Variants in LRRC4C observed in about 807,000 individuals in gnomAD.
LRRC4C encodes the protein leucine-rich repeat-containing protein 4C.
LRRC4C carries 5 observed loss-of-function variants against 33.6 expected under a neutral mutation model. That is an observed-to-expected ratio of 0.15 (90% CI 0.08 to 0.31). The LOEUF (loss-of-function observed/expected upper bound fraction) is 0.31. Ranked by LOEUF, LRRC4C falls within the 10% of genes least tolerant of loss-of-function variation. The pLI, the probability that LRRC4C is intolerant of heterozygous loss-of-function variation, is 1.00. For missense variants in LRRC4C, 560 were observed against 796.7 expected (o/e 0.70, Z 3.58); for synonymous variants, 329 against 302.0 (o/e 1.09, Z -0.93).
At chr11:40,620,885 A>C in intron 3 of LRRC4C, among the ~76,000 whole-genome samples, 1 of 151,756 alleles carries the variant, frequency 6.6e-6, no homozygotes, top group East Asian at 1.9e-4. Flanking sequence ...ATGGAGCAAT[A>C]ATATTTATCC....
chr11:41,339,216 A>G (rs1022722676), intron 1 of LRRC4C, among the ~76,000 whole-genome samples: 5 of 152,236 alleles, frequency 3.3e-5, no homozygotes, highest in Admixed American at 6.5e-5. Flanking sequence ...GGCACAATGA[A>G]GATGATAACT....
At chr11:41,171,520 A>T (rs986578572) in intron 1 of LRRC4C, among the ~76,000 whole-genome samples, 2 of 147,328 alleles carry the variant, frequency 1.4e-5, no homozygotes, top group Non-Finnish European at 3.0e-5. Context: ...CAAACACTGC[A>T]TGTTCTCACT....
At chr11:41,434,145 C>G (rs1955341586) in intron 1 of LRRC4C, among the ~76,000 whole-genome samples, 1 of 152,134 alleles carries the variant, frequency 6.6e-6, no homozygotes, top group East Asian at 1.9e-4. Flanking sequence ...TGAGATCTTC[C>G]TAGAAATGCA....
At chr11:40,681,103 G>A (rs947553265) in intron 2 of LRRC4C, among the ~76,000 whole-genome samples, 25 of 152,102 alleles carry the variant, frequency 1.6e-4, no homozygotes, top group Admixed American at 9.8e-4. Flanking sequence ...GCAGTGGGTG[G>A]AAATCTCAAG....
intron 3 of LRRC4C, among the ~76,000 whole-genome samples, chr11:40,448,865 G>A (rs2083421): frequency 0.36 from 54,704 of 151,984 alleles, 10,366 homozygotes; most frequent in East Asian, 0.52. Context: ...ACTCACATCA[G>A]CAGTGTAAAA....
intron 2 of LRRC4C, among the ~76,000 whole-genome samples, chr11:40,848,002 C>T (rs1953276690): frequency 6.6e-6 from 1 of 151,704 alleles, no homozygotes; most frequent in East Asian, 1.9e-4. Flanking sequence ...GTGGTGATAT[C>T]CCTTTTATCA....
chr11:41,236,659 T>C (rs902531899), intron 1 of LRRC4C, among the ~76,000 whole-genome samples: 2 of 152,080 alleles, frequency 1.3e-5, no homozygotes, highest in Non-Finnish European at 1.5e-5. Flanking sequence ...TTTTTGATGA[T>C]ATAAATTGAT....
At chr11:40,983,970 T>G (rs966670449) in intron 1 of LRRC4C, among the ~76,000 whole-genome samples, 34 of 152,126 alleles carry the variant, frequency 2.2e-4, no homozygotes, top group Admixed American at 2.2e-3. Context: ...TCATGGAAAT[T>G]CAACTTTAAA....
At chr11:40,780,080 A>G (rs371870695) in intron 2 of LRRC4C, among the ~76,000 whole-genome samples, 36 of 152,318 alleles carry the variant, frequency 2.4e-4, no homozygotes, top group African/African-American at 8.2e-4. Context: ...TCCTAAGCCT[A>G]CAATCTAGTT....
intron 4 of LRRC4C, among the ~76,000 whole-genome samples, chr11:40,273,499 T>G (rs1942864644): frequency 6.6e-6 from 1 of 152,132 alleles, no homozygotes; most frequent in East Asian, 1.9e-4. Flanking sequence ...TCATCCAACA[T>G]TTTTCTCTTA....
chr11:41,295,302 A>G (rs1950106156), intron 1 of LRRC4C, among the ~76,000 whole-genome samples: 3 of 152,238 alleles, frequency 2.0e-5, no homozygotes, highest in Non-Finnish European at 4.4e-5. Flanking sequence ...ATATTTTAGT[A>G]TCTAATGTAG....
intron 2 of LRRC4C, among the ~76,000 whole-genome samples, chr11:40,800,956 A>G (rs893425471): frequency 2.0e-5 from 3 of 152,078 alleles, no homozygotes; most frequent in Admixed American, 6.6e-5. Flanking sequence ...AATACATCAT[A>G]AACTTCTTCA....
chr11:40,257,390 T>C (rs1346509323), intron 4 of LRRC4C, among the ~76,000 whole-genome samples: 5 of 152,202 alleles, frequency 3.3e-5, no homozygotes, highest in Non-Finnish European at 7.3e-5. Context: ...GTATTTACTA[T>C]AAGTCAAGTT....
rs1400725637 is a variant in LRRC4C, at chr11:41,191,411, C to T, written c.-495-257688G>A. On this transcript the variant is annotated intron_variant, in intron 1 of 6. Transcript: ENST00000528697. ...TGCCTGATTAAAGTCACTCTTTTCC[C>T]TTCAACTACCAATTTAACTAAACTC... Among the ~76,000 whole-genome samples, 3 of 152,156 alleles carry T rather than the reference C, an allele frequency of 2.0e-5. 1 individual carries two copies. Among genetic ancestry groups the T allele is most frequent in the South Asian group, 4.1e-4 (2 of 4,824 alleles).
At chr11:40,277,960 C>G (rs1943231100) in intron 4 of LRRC4C, among the ~76,000 whole-genome samples, 1 of 152,162 alleles carries the variant, frequency 6.6e-6, no homozygotes, top group African/African-American at 2.4e-5. Flanking sequence ...AAGTGGCAGT[C>G]TCCTTCATTG....
intron 1 of LRRC4C, among the ~76,000 whole-genome samples, chr11:41,229,546 T>C (rs921230741): frequency 6.6e-6 from 1 of 152,124 alleles, no homozygotes; most frequent in African/African-American, 2.4e-5. Flanking sequence ...TTTATTAATT[T>C]CTCAACTTGC....
At chr11:41,342,902 G>A (rs977704274) in intron 1 of LRRC4C, among the ~76,000 whole-genome samples, 2 of 152,124 alleles carry the variant, frequency 1.3e-5, no homozygotes, top group Non-Finnish European at 2.9e-5. Flanking sequence ...TCAAAGTGCT[G>A]GGAGGATTAC....
intron 3 of LRRC4C, among the ~76,000 whole-genome samples, chr11:40,380,657 G>A (rs1333037346): frequency 6.6e-6 from 1 of 152,112 alleles, no homozygotes; most frequent in East Asian, 1.9e-4. Flanking sequence ...TAAAGTATCC[G>A]CTACCCTTCC....
At chr11:40,826,142 T>A (rs921928468) in intron 2 of LRRC4C, among the ~76,000 whole-genome samples, 1 of 151,928 alleles carries the variant, frequency 6.6e-6, no homozygotes, top group Non-Finnish European at 1.5e-5. Context: ...AGCAAATCAT[T>A]CCTTTCTATT....
Sources: allele counts gnomAD v4.1 joint callset (sites outside exome capture counted in the v4.1 genomes callset), GRCh38; gene constraint gnomAD v4.1.1; transcripts MANE v1.5; gene names NCBI Gene and HGNC (gene_info 2026-07-23, HGNC 2026-07-21).